RAD51B: variants seen among roughly 807,000 people sequenced by gnomAD.
RAD51B encodes the protein RAD51 paralog B.
RAD51B carries 38 observed loss-of-function variants against 42.2 expected under a neutral mutation model. That is an observed-to-expected ratio of 0.90 (90% CI 0.70 to 1.18). The LOEUF is 1.18. Among genes scored for constraint, RAD51B ranks in the 50% most tolerant of loss-of-function variants. The pLI, the probability that RAD51B is intolerant of heterozygous loss-of-function variation, is 0.00. For missense variants in RAD51B, 373 were observed against 400.7 expected, an observed-to-expected ratio of 0.93 and a Z score of 0.59; for synonymous variants, 154 against 145.2, an observed-to-expected ratio of 1.06 and a Z score of -0.43.
At chr14:67,851,523 G>A (rs910253916) in intron 4 of RAD51B, among the ~76,000 whole-genome samples, 3 of 152,140 alleles carry the variant, frequency 2.0e-5, no homozygotes, top group Non-Finnish European at 4.4e-5. Flanking sequence ...AGGGGGTCAT[G>A]TGGAAAGCAT....
At position 68,292,089 on chromosome 14, in the gene RAD51B, T is replaced by C. The variant is rs1042546648; in HGVS notation, c.853+109T>C. On this transcript the variant is annotated intron_variant, in intron 8 of 10. Coordinates refer to ENST00000471583, the MANE Select transcript of RAD51B (RefSeq NM_133510.4). Reference sequence around the variant, plus strand: ...GATATGGCTAATAGGCCCTGGCCAGTGAACCCAGCCGGAGCCTGTTGATTT... The same window carrying C: ...GATATGGCTAATAGGCCCTGGCCAGCGAACCCAGCCGGAGCCTGTTGATTT... The C allele has an allele frequency of 4.0e-6, 4 of 991,656 alleles. No individual in the cohort carries two copies. The African/African-American group carries it at 4.8e-5, about 12-fold the overall frequency. The allele number at this position is 991,656 out of a possible 1,614,324, so 61.4% of individuals were successfully genotyped here.
At chr14:68,665,302 G>T (rs1893010108) in intron 11 of RAD51B, among the ~76,000 whole-genome samples, 1 of 152,238 alleles carries the variant, frequency 6.6e-6, no homozygotes, top group Non-Finnish European at 1.5e-5. Context: ...TCTATCTCAG[G>T]CTCCTCTGTT....
Position 68,250,757 on chromosome 14 carries a change from C to G in RAD51B, c.757-41127C>G, listed in dbSNP as rs138639719. Among the ~76,000 whole-genome samples the G allele has an allele frequency of 8.3e-3, 1,271 of 152,224 alleles. 18 individuals are homozygous for G. Among genetic ancestry groups the G allele is most frequent in the African/African-American group, 0.029 (1,209 of 41,526 alleles). On this transcript the variant is annotated intron_variant, in intron 7 of 10. Coordinates refer to ENST00000471583, the MANE Select transcript of RAD51B (RefSeq NM_133510.4). Reference sequence around the variant, plus strand: ...CTGCTTAAACCAGATACCTGAGGGTCTGGGGTCTAACAGAAGAAAAAAGGA... The same window carrying G: ...CTGCTTAAACCAGATACCTGAGGGTGTGGGGTCTAACAGAAGAAAAAAGGA...
intron 10 of RAD51B, among the ~76,000 whole-genome samples, chr14:68,523,663 C>T (rs541046567): frequency 6.6e-6 from 1 of 152,286 alleles, no homozygotes; most frequent in African/African-American, 2.4e-5. Context: ...GATGTCTACC[C>T]TCCACTACAA....
At chr14:68,281,230 C>T (rs2081314719) in intron 7 of RAD51B, among the ~76,000 whole-genome samples, 1 of 152,066 alleles carries the variant, frequency 6.6e-6, no homozygotes, top group Non-Finnish European at 1.5e-5. Context: ...CAGACTGGGG[C>T]ATTTGGGGTG....
chr14:68,148,278 C>G (rs1478559639), intron 7 of RAD51B, among the ~76,000 whole-genome samples: 2 of 152,126 alleles, frequency 1.3e-5, no homozygotes, highest in African/African-American at 4.8e-5. Flanking sequence ...ACAAATAAAT[C>G]TACTATGAAC....
In RAD51B at chr14:68,118,760, T is replaced by A. The variant is rs142933589; in HGVS notation, c.757-173124T>A. On this transcript the variant is annotated intron_variant, in intron 7 of 10. Coordinates refer to ENST00000471583, the MANE Select transcript of RAD51B (RefSeq NM_133510.4). Reference sequence around the variant, plus strand: ...ATTTCTCATTTGATTTGATCCTCATTTATAATAGCTCGTGTGTGTGTTGTG... The same window carrying A: ...ATTTCTCATTTGATTTGATCCTCATATATAATAGCTCGTGTGTGTGTTGTG... 6.9e-4 allele frequency among the ~76,000 whole-genome samples: 105 copies of A among 152,290 alleles called. 1 individual carries two copies. Among genetic ancestry groups the A allele is most frequent in the Middle Eastern group, 3.4e-3 (1 of 294 alleles).
intron 7 of RAD51B, among the ~76,000 whole-genome samples, chr14:68,112,631 A>C (rs1595413763): frequency 6.6e-6 from 1 of 152,250 alleles, no homozygotes; most frequent in East Asian, 1.9e-4. Flanking sequence ...TAGTGCAGAC[A>C]TAGGAAATCA....
chr14:68,116,092 G>A (rs532611198), intron 7 of RAD51B, among the ~76,000 whole-genome samples: 69 of 152,022 alleles, frequency 4.5e-4, no homozygotes, highest in African/African-American at 1.6e-3. Flanking sequence ...GGAAGTGGAA[G>A]CAAGAAAAAT....
intron 9 of RAD51B, 118 bp from the exon 10 acceptor site, chr14:68,468,051 TAAA>T: frequency 1.2e-6 from 1 of 810,036 alleles, no homozygotes; most frequent in Non-Finnish European, 2.0e-6. Flanking sequence ...TTTTTTTTTT[TAAA>T]TAAGCCTTGT....
At chr14:68,198,356 C>T (rs1032635516) in intron 7 of RAD51B, among the ~76,000 whole-genome samples, 1 of 152,070 alleles carries the variant, frequency 6.6e-6, no homozygotes, top group Non-Finnish European at 1.5e-5. Flanking sequence ...TATACTAAGT[C>T]TTAATATCAG....
intron 9 of RAD51B, among the ~76,000 whole-genome samples, chr14:68,450,210 T>C (rs1414141399): frequency 2.3e-5 from 1 of 42,570 alleles, no homozygotes; most frequent in African/African-American, 9.4e-5. Context: ...TTAGGGCTTT[T>C]TTTTTTTTTT....
intron 7 of RAD51B, among the ~76,000 whole-genome samples, chr14:68,245,706 C>T (rs1328747316): frequency 6.6e-6 from 1 of 152,146 alleles, no homozygotes; most frequent in Non-Finnish European, 1.5e-5. Context: ...GGCTCTAATC[C>T]CACAATCTGA....
chr14:68,114,478 T>C (rs1156272183), intron 7 of RAD51B, among the ~76,000 whole-genome samples: 1 of 152,160 alleles, frequency 6.6e-6, no homozygotes, highest in Non-Finnish European at 1.5e-5. Context: ...CAGCATTTTG[T>C]CATTAAATTT....
At chr14:68,082,251 C>T (rs1250985452) in intron 7 of RAD51B, among the ~76,000 whole-genome samples, 4 of 152,096 alleles carry the variant, frequency 2.6e-5, no homozygotes, top group African/African-American at 7.2e-5. Flanking sequence ...TGAGCCACTG[C>T]GCCCGGCCGC....
intron 7 of RAD51B, among the ~76,000 whole-genome samples, chr14:68,045,236 CAAAAAAAAAAAAAAAAAA>C (rs537073885): frequency 1.8e-4 from 4 of 22,080 alleles, no homozygotes; most frequent in Non-Finnish European, 3.3e-4. Flanking sequence ...AACTCTGTCT[CAAAAAAAAAAAAAAAAAA>C]AAAAAAAAAG....
At chr14:67,869,984 C>T (rs1287335648) in intron 5 of RAD51B, among the ~76,000 whole-genome samples, 2 of 151,402 alleles carry the variant, frequency 1.3e-5, no homozygotes, top group East Asian at 3.9e-4. Flanking sequence ...CAAAATCATG[C>T]CAAAATGTAA....
In RAD51B at chr14:67,835,185, T is replaced by A. The variant is rs771428782; in HGVS notation, c.304T>A (p.Ser102Thr). Residue 102 changes from serine to threonine, a missense_variant, in exon 4 of 11, where the codon TCC becomes ACC. Ser to Thr is a moderately conservative substitution (Grantham distance 58, BLOSUM62 1). Coordinates refer to ENST00000471583, the MANE Select transcript of RAD51B (RefSeq NM_133510.4). Reference sequence around the variant, plus strand: ...CCTGCATGGTGGTGTGGCTTGTGGATCCCTCACAGAGGTAAAGGAAAAATT... The same window carrying A: ...CCTGCATGGTGGTGTGGCTTGTGGAACCCTCACAGAGGTAAAGGAAAAATT... ...EALHGGVACG[S>T]LTEITGPPGC... 6.2e-7 allele frequency: 1 copy of A among 1,613,162 alleles called. No individual in the cohort carries two copies. The highest frequency in any genetic ancestry group is 2.2e-5 in the East Asian group (1 of 44,860).
intron 7 of RAD51B, among the ~76,000 whole-genome samples, chr14:67,896,671 G>A (rs939729889): frequency 9.9e-5 from 15 of 152,166 alleles, no homozygotes; most frequent in Admixed American, 8.5e-4. Flanking sequence ...AATATTGGCT[G>A]TATGAGAGTT....
Sources: gnomAD v4.1 joint callset for allele counts (sites outside exome capture counted in the v4.1 genomes callset) on GRCh38, gnomAD v4.1.1 for gene constraint, MANE v1.5 for transcripts, NCBI Gene and HGNC (gene_info 2026-07-23, HGNC 2026-07-21) for gene names.